Variants in ZNF583 observed in about 807,000 individuals in gnomAD.
The protein encoded by ZNF583 is zinc finger protein L3-5.
Under a neutral mutation model 55.3 loss-of-function variants are expected in ZNF583, and 30 were observed. The observed-to-expected ratio is 0.54, with a 90% CI of 0.41 to 0.74. ZNF583 has a LOEUF of 0.74. Ranked by LOEUF, ZNF583 falls within the 30% of genes least tolerant of loss-of-function variation. The pLI is 0.00. For synonymous variants in ZNF583, 208 were observed against 220.0 expected (o/e 0.95, Z 0.48); for missense variants, 504 against 664.7 (o/e 0.76, Z 2.66).
rs367754697 is a variant in ZNF583 at position 56,423,788 on chromosome 19, A to C, written c.1130A>C (p.Glu377Ala). Residue 377 changes from glutamate to alanine, a missense_variant, in exon 5 of 5, where the codon GAG becomes GCG. Physicochemically the swap from Glu to Ala is moderately radical, Grantham distance 107. Around this residue, in one of 3 missense-constraint regions of ZNF583, gnomAD observed 237 missense variants for 373.0 expected, o/e 0.64. Coordinates refer to ENST00000333201, the MANE Select transcript of ZNF583 (RefSeq NM_152478.3). Reference protein sequence around the residue: ...LIVHQRIHTGERPYECKECRK... With the variant: ...LIVHQRIHTGARPYECKECRK... ...GTACATCAGAGAATTCATACTGGAG[A>C]GAGACCCTACGAATGTAAGGAATGT... The C allele has an allele frequency of 2.2e-5, 35 of 1,613,648 alleles. No individual in the cohort carries two copies. Among genetic ancestry groups the C allele is most frequent in the Non-Finnish European group, 2.9e-5 (34 of 1,179,934 alleles).
chr19:56,424,105 C>T lies in ZNF583; in HGVS notation c.1447C>T (p.Gln483Ter), dbSNP rs1041141259. ...FSQNAGLAQH[Q>*]RIHTGEKPYE... ...CCAGAATGCAGGCCTTGCTCAACAT[C>T]AGAGAATTCATACTGGAGAGAAACC... Residue 483 changes from glutamine to a stop codon, truncating the protein, a stop_gained, in exon 5 of 5, where the codon CAG becomes TAG. Coordinates refer to ENST00000333201, the MANE Select transcript of ZNF583 (RefSeq NM_152478.3). LOFTEE classifies it high-confidence loss of function. 5.6e-6 allele frequency: 9 copies of T among 1,614,074 alleles called. No homozygotes were observed. The highest frequency in any genetic ancestry group is 6.8e-6 in the Non-Finnish European group (8 of 1,180,004).
In ZNF583 at chr19:56,426,557, A is replaced by G. The variant is rs1052298248; in HGVS notation, c.*2189A>G. ...ATAAACTATGGAATTCATATCCTTA[A>G]CATAAAATTGCTCATAAAAATCCCT... is the stretch of plus-strand genomic sequence containing the variant. On this transcript the variant is annotated 3_prime_UTR_variant, in exon 5 of 5. Coordinates refer to ENST00000333201, the MANE Select transcript of ZNF583 (RefSeq NM_152478.3). 1 of 152,184 alleles carries G rather than the reference A, an allele frequency of 6.6e-6. No individual in the cohort carries two copies. The highest frequency in any genetic ancestry group is 2.4e-5 in the African/African-American group (1 of 41,448). The allele number at this position is 152,184 out of a possible 1,614,324, so 9.4% of individuals were successfully genotyped here.
chr19:56,414,413 A>G lies in ZNF583; in HGVS notation c.205A>G (p.Lys69Glu), dbSNP rs1355799555. The G allele has an allele frequency of 1.2e-6, 2 of 1,614,168 alleles. No homozygotes were observed. The highest frequency in any genetic ancestry group is 1.7e-5 in the Admixed American group (1 of 60,020). The part of the protein sequence containing the change: ...EQGKEPWMVK[K>E]EGTRGPCPDW... ...AGGAAAAGAGCCCTGGATGGTGAAG[A>G]AGGAGGGAACAAGAGGCCCATGCCC... The change falls in exon 4 of 5, where the codon AAG becomes GAG. Residue 69 changes from lysine to glutamate, a missense_variant. This residue lies in a region of ZNF583 where 204 missense variants were observed against 235.2 expected (regional missense o/e 0.87). Coordinates refer to ENST00000333201, the MANE Select transcript of ZNF583 (RefSeq NM_152478.3).
intron 4 of ZNF583, among the ~76,000 whole-genome samples, 199 bp from the exon 5 acceptor site, chr19:56,422,692 T>C (rs962814707): frequency 1.3e-5 from 2 of 152,220 alleles, no homozygotes; most frequent in African/African-American, 2.4e-5. Flanking sequence ...TTTGTTCTTA[T>C]ATTTACCTTA....
chr19:56,407,005 T>C lies in ZNF583; in HGVS notation c.-89-21T>C, dbSNP rs969585209. The C allele has an allele frequency of 4.1e-4, 533 of 1,287,426 alleles. 1 individual carries two copies. Among genetic ancestry groups the C allele is most frequent in the Non-Finnish European group, 5.3e-4 (482 of 906,692 alleles). The allele number at this position is 1,287,426 out of a possible 1,614,324, so 79.8% of individuals were successfully genotyped here. A position where few individuals can be genotyped will look rare whatever the true frequency, so the allele number is the denominator to read the frequency against. ...GCTGCAGGGCAGGCCTGGCATTTTA[T>C]GGTTTCTTTTCCTTCTCCAGCTCGA... On this transcript the variant is annotated intron_variant, in intron 1 of 4. Coordinates refer to ENST00000333201, the MANE Select transcript of ZNF583 (RefSeq NM_152478.3).
intron 2 of ZNF583, among the ~76,000 whole-genome samples, chr19:56,411,693 A>C (rs1421867685): frequency 6.6e-6 from 1 of 152,218 alleles, no homozygotes; most frequent in African/African-American, 2.4e-5. Flanking sequence ...GACCTGATTC[A>C]CATTCTTTTC....
At chr19:56,411,668 G>C (rs888233992) in intron 2 of ZNF583, among the ~76,000 whole-genome samples, 1 of 152,204 alleles carries the variant, frequency 6.6e-6, no homozygotes, top group Non-Finnish European at 1.5e-5. Context: ...TATCCAGCAC[G>C]AGTTTTAATT....
At chr19:56,414,861 C>CAAAAAAAAAAAAAAAAAAA (rs35096926) in intron 4 of ZNF583, 2 of 64,276 alleles carry the variant, frequency 3.1e-5, no homozygotes, top group Non-Finnish European at 6.8e-5. Context: ...ACTAAAAATA[C>CAAAAAAAAAAAAAAAAAAA]AAAAAAAAAA....
chr19:56,414,161 G>C, intron 3 of ZNF583, 76 bp downstream of exon 3: 1 of 1,543,994 alleles, frequency 6.5e-7, no homozygotes, highest in Non-Finnish European at 8.8e-7. Flanking sequence ...AACCTCTGAC[G>C]TGCTTCACTA....
At chr19:56,414,685 T>A in intron 4 of ZNF583, 1 of 410,400 alleles carries the variant, frequency 2.4e-6, no homozygotes. Flanking sequence ...TATTGTTGGA[T>A]CCAGATGTCA....
At chr19:56,410,397 G>A (rs2042219192) in intron 2 of ZNF583, among the ~76,000 whole-genome samples, 1 of 152,156 alleles carries the variant, frequency 6.6e-6, no homozygotes, top group Admixed American at 6.5e-5. Flanking sequence ...CAACATCATA[G>A]TAAAACATTA....
Position 56,424,218 on chromosome 19 carries a change from T to C in ZNF583, c.1560T>C (p.Tyr520=). The change falls in exon 5 of 5, where the codon TAT becomes TAC. Residue 520 remains tyrosine (Y), a synonymous_variant. Transcript: ENST00000333201. ...GAATTCATACTGGAGAAAGACCCTA[T>C]GAATGTAAAGATTGCAGGAAATCTT... ...HQRIHTGERP[Y]ECKDCRKSFR... 6.2e-7 allele frequency: 1 copy of C among 1,613,988 alleles called. No individual in the cohort carries two copies. The highest frequency in any genetic ancestry group is 8.5e-7 in the Non-Finnish European group (1 of 1,179,992).
chr19:56,410,706 A>G (rs2042225201), intron 2 of ZNF583, among the ~76,000 whole-genome samples: 1 of 152,126 alleles, frequency 6.6e-6, no homozygotes, highest in South Asian at 2.1e-4. Context: ...CATGTCAAAA[A>G]CACAAACAGC....
At chr19:56,413,076 C>G (rs1166167440) in intron 2 of ZNF583, among the ~76,000 whole-genome samples, 2 of 152,160 alleles carry the variant, frequency 1.3e-5, no homozygotes, top group Non-Finnish European at 2.9e-5. Flanking sequence ...TGCTGGTCAT[C>G]TAAACCATAT....
chr19:56,417,242 A>G (rs1424682609), intron 4 of ZNF583, among the ~76,000 whole-genome samples: 1 of 152,184 alleles, frequency 6.6e-6, no homozygotes, highest in Non-Finnish European at 1.5e-5. Context: ...TATGATAGGT[A>G]TATGTTTAAC....
intron 2 of ZNF583, among the ~76,000 whole-genome samples, chr19:56,409,382 G>A (rs2042203973): frequency 6.6e-6 from 1 of 152,162 alleles, no homozygotes; most frequent in African/African-American, 2.4e-5. Context: ...AAAGTATGAT[G>A]TGTAGAATAG....
rs1236760479 is a variant in ZNF583, at chr19:56,424,338, G to T, written c.1680G>T (p.Gln560His). 6.4e-7 allele frequency: 1 copy of T among 1,554,904 alleles called. No individual in the cohort carries two copies. Among genetic ancestry groups the T allele is most frequent in the African/African-American group, 1.4e-5 (1 of 73,824 alleles). Reference protein sequence around the residue: ...LSSPSPSTSNQLPRPVGFIS With the variant: ...LSSPSPSTSNHLPRPVGFIS The stretch of plus-strand genomic sequence containing the variant: ...CTCCCTCACCCTCCACATCAAATCA[G>T]TTGCCAAGACCTGTAGGTTTCATCT... The change falls in exon 5 of 5, where the codon CAG becomes CAT. Residue 560 changes from glutamine (Q) to histidine (H), a missense_variant. Physicochemically the swap from Gln to His is conservative, Grantham distance 24 (BLOSUM62 0). This residue lies in a region of ZNF583 where 63 missense variants were observed against 56.5 expected (regional missense o/e 1.11). Coordinates refer to ENST00000333201, the MANE Select transcript of ZNF583 (RefSeq NM_152478.3).
At chr19:56,409,988 T>G (rs368609467) in intron 2 of ZNF583, among the ~76,000 whole-genome samples, 18 of 152,332 alleles carry the variant, frequency 1.2e-4, no homozygotes, top group African/African-American at 4.3e-4. Context: ...GTAGTAATCC[T>G]TCTTTCTTCT....
intron 2 of ZNF583, among the ~76,000 whole-genome samples, chr19:56,408,410 A>G (rs926407990): frequency 1.3e-5 from 2 of 152,234 alleles, no homozygotes; most frequent in African/African-American, 4.8e-5. Context: ...AGACTTGTAT[A>G]TACTAGCATG....
Sources: allele counts gnomAD v4.1 joint callset (sites outside exome capture counted in the v4.1 genomes callset), GRCh38; gene constraint gnomAD v4.1.1; regional missense constraint gnomAD v4.1.1; transcripts MANE v1.5; gene names NCBI Gene and HGNC (gene_info 2026-07-23, HGNC 2026-07-21).